Variants in TXNDC16 observed in about 807,000 individuals in gnomAD.
The protein encoded by TXNDC16 is thioredoxin domain containing 16.
TXNDC16 carries 74 observed loss-of-function variants against 85.6 expected under a neutral mutation model. That is an observed-to-expected ratio of 0.86 (90% CI 0.72 to 1.05). The LOEUF (loss-of-function observed/expected upper bound fraction) is 1.05, where lower values mean the gene tolerates loss of function less well. Ranked by LOEUF, TXNDC16 falls within the 50% of genes least tolerant of loss-of-function variation. The probability of loss-of-function intolerance (pLI) is 0.00; values close to 1 mark genes in which losing one functional copy is unlikely to be tolerated. For missense variants in TXNDC16, 959 were observed against 947.0 expected (o/e 1.01, Z -0.17); for synonymous variants, 335 against 326.5 (o/e 1.03, Z -0.28).
chr14:52,498,082 T>C (rs934809361), intron 9 of TXNDC16, among the ~76,000 whole-genome samples: 2 of 152,090 alleles, frequency 1.3e-5, no homozygotes, highest in African/African-American at 4.8e-5. Context: ...GGAAAAGCAT[T>C]TGAAAATATT....
At chr14:52,519,319 T>C in intron 6 of TXNDC16, 26 bp from the exon 7 acceptor site, 1 of 1,539,674 alleles carries the variant, frequency 6.5e-7, no homozygotes, top group Non-Finnish European at 8.9e-7. Flanking sequence ...ATATAATTAG[T>C]AGAAAAATCT....
At chr14:52,515,941 T>C (rs942584540) in intron 7 of TXNDC16, among the ~76,000 whole-genome samples, 1 of 152,122 alleles carries the variant, frequency 6.6e-6, no homozygotes, top group African/African-American at 2.4e-5. Flanking sequence ...CACTTTCCCT[T>C]TTTGAGAAAC....
intron 9 of TXNDC16, among the ~76,000 whole-genome samples, chr14:52,494,250 C>T (rs895686169): frequency 2.6e-5 from 4 of 152,116 alleles, no homozygotes; most frequent in Admixed American, 6.5e-5. Flanking sequence ...AATCCCCTCC[C>T]CTGAGTGTCA....
chr14:52,534,317 G>C (rs1357024114), intron 6 of TXNDC16, among the ~76,000 whole-genome samples: 1 of 152,156 alleles, frequency 6.6e-6, no homozygotes, highest in Non-Finnish European at 1.5e-5. Flanking sequence ...TGTCCAACCT[G>C]TGGCTCATGG....
intron 9 of TXNDC16, among the ~76,000 whole-genome samples, chr14:52,509,632 T>TA (rs1317094718): frequency 1.3e-5 from 2 of 151,094 alleles, no homozygotes; most frequent in East Asian, 1.9e-4. Flanking sequence ...CCCTAAAACT[T>TA]AAAGTATAAT....
At chr14:52,486,505 T>C (rs1051854058) in intron 12 of TXNDC16, among the ~76,000 whole-genome samples, 2 of 152,010 alleles carry the variant, frequency 1.3e-5, no homozygotes, top group African/African-American at 2.4e-5. Flanking sequence ...CTGGAACACA[T>C]GCTTCTTTTC....
At chr14:52,531,828 TTCA>T (rs1311374604) in intron 6 of TXNDC16, among the ~76,000 whole-genome samples, 3 of 152,158 alleles carry the variant, frequency 2.0e-5, no homozygotes, top group Non-Finnish European at 4.4e-5. Flanking sequence ...TCAATATTGG[TTCA>T]TCAATTGTAA....
chr14:52,434,795 AG>A (rs1392698642), intron 20 of TXNDC16, among the ~76,000 whole-genome samples: 1 of 152,212 alleles, frequency 6.6e-6, no homozygotes, highest in African/African-American at 2.4e-5. Context: ...TCCAATACAC[AG>A]AGACTGTTCA....
At chr14:52,489,314 A>T (rs1170869829) in intron 11 of TXNDC16, among the ~76,000 whole-genome samples, 2 of 152,172 alleles carry the variant, frequency 1.3e-5, no homozygotes, top group East Asian at 1.9e-4. Context: ...AATTAATATT[A>T]AAAAATATTA....
At chr14:52,531,646 T>A (rs1208572207) in intron 6 of TXNDC16, among the ~76,000 whole-genome samples, 1 of 152,100 alleles carries the variant, frequency 6.6e-6, no homozygotes, top group East Asian at 1.9e-4. Flanking sequence ...CAGTGGTTTG[T>A]AGGGGAGAGA....
At chr14:52,462,526 C>A (rs1034840994) in intron 16 of TXNDC16, among the ~76,000 whole-genome samples, 3 of 152,148 alleles carry the variant, frequency 2.0e-5, no homozygotes, top group African/African-American at 7.2e-5. Flanking sequence ...TGTTGCCCAG[C>A]CTGGCTGGTG....
intron 12 of TXNDC16, among the ~76,000 whole-genome samples, chr14:52,484,062 T>C (rs2036208947): frequency 6.6e-6 from 1 of 152,218 alleles, no homozygotes; most frequent in Non-Finnish European, 1.5e-5. Context: ...ACGATGGTAT[T>C]AAGAATTGTT....
intron 20 of TXNDC16, 102 bp downstream of exon 20, chr14:52,439,102 C>T: frequency 8.2e-7 from 1 of 1,226,316 alleles, no homozygotes; most frequent in African/African-American, 1.5e-5. Flanking sequence ...ATGCTACCAG[C>T]ATTTTAATAA....
Position 52,490,824 on chromosome 14 carries a change from C to T in TXNDC16, c.923+15G>A, listed in dbSNP as rs756429289. The T allele has an allele frequency of 6.3e-6, 10 of 1,597,282 alleles. No homozygotes were observed. The highest frequency in any genetic ancestry group is 2.3e-5 in the South Asian group (2 of 86,962). ...CGTTTTGCTAAATATAGTAAATATT[C>T]GATGTTTAAGATACCTTAACAAGAG... On this transcript the variant is annotated intron_variant, in intron 10 of 20. Transcript: ENST00000281741.
At chr14:52,505,981 G>A (rs188550323) in intron 9 of TXNDC16, among the ~76,000 whole-genome samples, 23 of 152,270 alleles carry the variant, frequency 1.5e-4, no homozygotes, top group Admixed American at 1.0e-3. Flanking sequence ...AGAAGAAATA[G>A]ATAAATTCCT....
Position 52,543,444 on chromosome 14 carries a change from A to T in TXNDC16, c.114T>A (p.Ser38Arg). ...LPELSPQKYF[S>R]TLQPGKASLA... ...AAGAGGCTTTTCCTGGTTGCAATGT[A>T]CTAAAATATTTCTGAGGACTCAGTT... Residue 38 changes from serine to arginine, a missense_variant, in exon 3 of 21, where the codon AGT becomes AGA. Transcript: ENST00000281741. 6.2e-7 allele frequency: 1 copy of T among 1,613,336 alleles called. No individual in the cohort carries two copies. The highest frequency in any genetic ancestry group is 1.1e-5 in the South Asian group (1 of 90,938).
intron 7 of TXNDC16, among the ~76,000 whole-genome samples, chr14:52,515,191 A>G (rs2037052967): frequency 6.6e-6 from 1 of 152,192 alleles, no homozygotes; most frequent in South Asian, 2.1e-4. Context: ...GGAGTAGAAA[A>G]TGAGTTTTTA....
chr14:52,441,336 T>C (rs554582481), intron 18 of TXNDC16, among the ~76,000 whole-genome samples: 3 of 151,768 alleles, frequency 2.0e-5, no homozygotes, highest in Admixed American at 2.0e-4. Context: ...AGGCTGGGAG[T>C]GATGGCTCAC....
chr14:52,485,137 G>C (rs746866770), intron 12 of TXNDC16, among the ~76,000 whole-genome samples: 5 of 152,098 alleles, frequency 3.3e-5, no homozygotes, highest in Non-Finnish European at 7.4e-5. Context: ...CCTTCCAAAG[G>C]GACAAGATGT....
Sources: allele counts gnomAD v4.1 joint callset (sites outside exome capture counted in the v4.1 genomes callset), GRCh38; gene constraint gnomAD v4.1.1; transcripts MANE v1.5; gene names NCBI Gene and HGNC (gene_info 2026-07-23, HGNC 2026-07-21).